The following FGF5 variants were observed in gnomAD, a reference collection of about 807,000 sequenced individuals.
FGF5 encodes heparin-binding growth factor 5.
A neutral mutation model predicts 21.8 loss-of-function variants in FGF5; 23 were observed. That is an observed-to-expected ratio of 1.05 (90% CI 0.76 to 1.49). The LOEUF is 1.49. Among genes scored for constraint, FGF5 ranks in the 40% most tolerant of loss-of-function variants. The probability of loss-of-function intolerance (pLI) is 0.00; values close to 1 mark genes in which losing one functional copy is unlikely to be tolerated. For synonymous variants in FGF5, 158 were observed against 124.0 expected, an observed-to-expected ratio of 1.27 and a Z score of -1.82; for missense variants, 352 against 332.9, an observed-to-expected ratio of 1.06 and a Z score of -0.45.
At chr4:80,271,768 T>A (rs1382763788) in intron 1 of FGF5, among the ~76,000 whole-genome samples, 1 of 152,172 alleles carries the variant, frequency 6.6e-6, no homozygotes, top group African/African-American at 2.4e-5. Context: ...TAAGTTTCCA[T>A]CAAATTTAAT....
In FGF5 at chr4:80,266,862, A is replaced by G; in HGVS notation, c.38A>G (p.His13Arg). 6.2e-7 allele frequency: 1 copy of G among 1,608,774 alleles called. No homozygotes were observed. Among genetic ancestry groups the G allele is most frequent in the South Asian group, 1.1e-5 (1 of 90,312 alleles). ...LSFLLLLFFS[H>R]LILSAWAHGE... is the part of the protein sequence containing the mutation. ...TTCCTCCTCCTCCTCTTCTTCAGCCACCTGATCCTCAGCGCCTGGGCTCAC... is the reference window on the plus strand; with the variant it reads ...TTCCTCCTCCTCCTCTTCTTCAGCCGCCTGATCCTCAGCGCCTGGGCTCAC... The change falls in exon 1 of 3, where the codon CAC becomes CGC. Residue 13 changes from histidine to arginine, a missense_variant. Coordinates refer to ENST00000312465, the MANE Select transcript of FGF5 (RefSeq NM_004464.4).
chr4:80,268,558 C>A (rs1413853200), intron 1 of FGF5: 93 of 984,600 alleles, frequency 9.4e-5, no homozygotes, highest in Non-Finnish European at 1.1e-4. Context: ...GGGTCGGAGG[C>A]GCGCAAGTGG....
intron 1 of FGF5, among the ~76,000 whole-genome samples, chr4:80,270,191 A>G (rs1288800342): frequency 6.6e-6 from 1 of 152,246 alleles, no homozygotes; most frequent in African/African-American, 2.4e-5. Flanking sequence ...TATGTGAGTT[A>G]GTGATGATAG....
intron 1 of FGF5, among the ~76,000 whole-genome samples, chr4:80,269,998 G>A (rs1318348585): frequency 1.3e-5 from 2 of 152,186 alleles, no homozygotes; most frequent in Non-Finnish European, 2.9e-5. Flanking sequence ...ATTACAATTG[G>A]TCATTTACCT....
intron 2 of FGF5, among the ~76,000 whole-genome samples, chr4:80,284,858 C>T (rs997929576): frequency 1.2e-4 from 19 of 152,058 alleles, no homozygotes; most frequent in African/African-American, 4.1e-4. Context: ...ATTTTATTCC[C>T]GTATAAAACT....
Position 80,288,005 on chromosome 4 carries a change from G to T in FGF5, c.*1333G>T, listed in dbSNP as rs917034072. 2.6e-5 allele frequency: 4 copies of T among 151,946 alleles called. No individual in the cohort carries two copies. Among genetic ancestry groups the T allele is most frequent in the African/African-American group, 9.7e-5 (4 of 41,370 alleles). 9.4% of individuals were successfully genotyped at this position (151,946 alleles called of 1,614,324 possible). A position where few individuals can be genotyped will look rare whatever the true frequency, so the allele number is the denominator to read the frequency against. On this transcript the variant is annotated 3_prime_UTR_variant, in exon 3 of 3. Coordinates refer to ENST00000312465, the MANE Select transcript of FGF5 (RefSeq NM_004464.4). ...ATAAATCACAGAAAATTTAACTTAA[G>T]AAAATTTACAAAATTTATTCTCAGG...
chr4:80,267,163 C>T lies in FGF5; in HGVS notation c.339C>T (p.His113=), dbSNP rs373878896. 6.2e-7 allele frequency: 1 copy of T among 1,608,644 alleles called. No homozygotes were observed. The highest frequency in any genetic ancestry group is 8.5e-7 in the Non-Finnish European group (1 of 1,177,048). The change falls in exon 1 of 3, where the codon CAC becomes CAT. Residue 113 remains histidine, a synonymous_variant. Coordinates refer to ENST00000312465, the MANE Select transcript of FGF5 (RefSeq NM_004464.4). ...CGGATGGCAAAGTCAATGGATCCCA[C>T]GAAGCCAATATGTTAAGTAAGTTAC... ...IYPDGKVNGS[H]EANMLSVLEI...
At chr4:80,278,774 A>G (rs1720481515) in intron 2 of FGF5, among the ~76,000 whole-genome samples, 1 of 152,156 alleles carries the variant, frequency 6.6e-6, no homozygotes, top group Admixed American at 6.5e-5. Context: ...TCAAACTTTT[A>G]TTGGTATACT....
chr4:80,271,863 T>C (rs753895204), intron 1 of FGF5, among the ~76,000 whole-genome samples: 2 of 152,232 alleles, frequency 1.3e-5, no homozygotes, highest in African/African-American at 4.8e-5. Context: ...GAAATTTATA[T>C]ATTTGTGATT....
In FGF5 at chr4:80,266,676, T is replaced by C; in HGVS notation, c.-149T>C. ...AGCGCGGAGATCCGCTCGGGTGGCC[T>C]CTCTCTTCCCCTCTCCCCTTCTCTT... On this transcript the variant is annotated 5_prime_UTR_variant, in exon 1 of 3. Transcript: ENST00000312465. The C allele has an allele frequency of 4.5e-6, 3 of 670,068 alleles. No homozygotes were observed. The highest frequency in any genetic ancestry group is 4.0e-5 in the South Asian group (2 of 49,856). The allele number at this position is 670,068 out of a possible 1,614,324, so 41.5% of individuals were successfully genotyped here.
intron 1 of FGF5, among the ~76,000 whole-genome samples, chr4:80,267,950 G>C (rs1720144975): frequency 6.6e-6 from 1 of 152,204 alleles, no homozygotes. Flanking sequence ...CGTATTAGGA[G>C]AGTGGCCAGC....
At chr4:80,283,196 C>T (rs35265978) in intron 2 of FGF5, among the ~76,000 whole-genome samples, 7,569 of 152,190 alleles carry the variant, frequency 0.05, 472 homozygotes, top group East Asian at 0.34. Flanking sequence ...AGTCTAACTG[C>T]GTTTACTCCC....
At chr4:80,267,404 T>C (rs1252127017) in intron 1 of FGF5, among the ~76,000 whole-genome samples, 1 of 152,212 alleles carries the variant, frequency 6.6e-6, no homozygotes, top group Non-Finnish European at 1.5e-5. Flanking sequence ...CTCAGGTGTA[T>C]GTTACCTAGA....
rs1159415595 is a variant in FGF5, at chr4:80,266,906, C to T, written c.82C>T (p.Pro28Ser). ...GGCTCACGGGGAGAAGCGTCTCGCC[C>T]CCAAAGGGCAACCCGGACCCGCTGC... ...AWAHGEKRLA[P>S]KGQPGPAATD... Residue 28 changes from proline (P) to serine (S), a missense_variant, in exon 1 of 3, where the codon CCC becomes TCC. Transcript: ENST00000312465. 4 of 1,613,890 alleles carry T rather than the reference C, an allele frequency of 2.5e-6. No homozygotes were observed. In the Admixed American group the frequency reaches 5.0e-5, roughly 20 times the overall value.
rs150635464 is a variant in FGF5, at chr4:80,267,138, C to T, written c.314C>T (p.Pro105Leu). The T allele has an allele frequency of 7.4e-6, 12 of 1,612,882 alleles. No homozygotes were observed. Among genetic ancestry groups the T allele is most frequent in the Admixed American group, 3.3e-5 (2 of 59,840 alleles). ...ATCGGTTTCCATCTGCAGATCTACC[C>T]GGATGGCAAAGTCAATGGATCCCAC... ...VGIGFHLQIY[P>L]DGKVNGSHEA... is the part of the protein sequence containing the mutation. Residue 105 changes from proline (P) to leucine (L), a missense_variant, in exon 1 of 3, where the codon CCG becomes CTG. Coordinates refer to ENST00000312465, the MANE Select transcript of FGF5 (RefSeq NM_004464.4).
chr4:80,286,674 A>G lies in FGF5; in HGVS notation c.*2A>G. 1 of 1,610,146 alleles carries G rather than the reference A, an allele frequency of 6.2e-7. No individual in the cohort carries two copies. The highest frequency in any genetic ancestry group is 8.5e-7 in the Non-Finnish European group (1 of 1,176,932). On this transcript the variant is annotated 3_prime_UTR_variant, in exon 3 of 3. Coordinates refer to ENST00000312465, the MANE Select transcript of FGF5 (RefSeq NM_004464.4). ...AGACTCAAGTTTCGCTTTGGATAAT[A>G]TTCCTCTTGGCCTTGTGAGAAACCA...
At chr4:80,268,211 C>A in intron 1 of FGF5, 1 of 152,730 alleles carries the variant, frequency 6.5e-6, no homozygotes. Context: ...CAGCTGGGGG[C>A]AGGGACGGTT....
chr4:80,278,069 TTC>T (rs1488404152), intron 2 of FGF5, among the ~76,000 whole-genome samples: 1 of 152,168 alleles, frequency 6.6e-6, no homozygotes, highest in Non-Finnish European at 1.5e-5. Context: ...TCCTAGAATT[TTC>T]TCTTTCTTTT....
At chr4:80,284,170 C>T (rs780500404) in intron 2 of FGF5, among the ~76,000 whole-genome samples, 1 of 152,162 alleles carries the variant, frequency 6.6e-6, no homozygotes, top group Non-Finnish European at 1.5e-5. Context: ...TGCGGTGGCT[C>T]ACACCTGAAT....
Sources: gnomAD v4.1 joint callset for allele counts (sites outside exome capture counted in the v4.1 genomes callset) on GRCh38, gnomAD v4.1.1 for gene constraint, MANE v1.5 for transcripts, NCBI Gene and HGNC (gene_info 2026-07-23, HGNC 2026-07-21) for gene names.